SEMA5A: variants seen among roughly 807,000 people sequenced by gnomAD.
SEMA5A encodes the protein semaphorin 5A, also known as semaphorin-5A.
Under a neutral mutation model 135.5 loss-of-function variants are expected in SEMA5A, and 55 were observed. The ratio of observed to expected loss-of-function variants is 0.41; its 90% CI spans 0.33 to 0.51. The LOEUF is 0.51. Ranked by LOEUF, SEMA5A falls within the 20% of genes least tolerant of loss-of-function variation. SEMA5A has a pLI of 0.37. For missense variants in SEMA5A, 1,290 were observed against 1,419.9 expected (o/e 0.91, Z 1.47); for synonymous variants, 580 against 546.5 (o/e 1.06, Z -0.85).
chr5:9,399,932 C>T (rs1756577410), intron 2 of SEMA5A, among the ~76,000 whole-genome samples: 1 of 151,974 alleles, frequency 6.6e-6, no homozygotes, highest in Non-Finnish European at 1.5e-5. Context: ...TACTGGTATA[C>T]ATACAAAGTA....
intron 1 of SEMA5A, among the ~76,000 whole-genome samples, chr5:9,439,724 C>T (rs927480748): frequency 6.6e-6 from 1 of 152,180 alleles, no homozygotes; most frequent in Non-Finnish European, 1.5e-5. Flanking sequence ...AGAAGACATC[C>T]CTGCCGAATC....
chr5:9,533,885 A>G (rs956514285), intron 1 of SEMA5A, among the ~76,000 whole-genome samples: 9 of 152,234 alleles, frequency 5.9e-5, no homozygotes, highest in African/African-American at 1.9e-4. Context: ...TTTTTAAAAC[A>G]TCTGACATAA....
intron 1 of SEMA5A, chr5:9,518,053 G>A (rs889098803): frequency 1.3e-5 from 2 of 152,090 alleles, no homozygotes; most frequent in Non-Finnish European, 2.9e-5. Context: ...AATTCACAAA[G>A]AGCAGAACAA....
intron 8 of SEMA5A, among the ~76,000 whole-genome samples, chr5:9,210,498 T>A (rs397835237): frequency 6.6e-6 from 1 of 152,172 alleles, no homozygotes; most frequent in Non-Finnish European, 1.5e-5. Flanking sequence ...GCTCTCAACC[T>A]TTTCCAGAGT....
At chr5:9,166,877 G>C (rs1743638674) in intron 11 of SEMA5A, among the ~76,000 whole-genome samples, 1 of 152,186 alleles carries the variant, frequency 6.6e-6, no homozygotes, top group Non-Finnish European at 1.5e-5. Flanking sequence ...GAAATTACTT[G>C]CCTTAGATTT....
intron 5 of SEMA5A, among the ~76,000 whole-genome samples, chr5:9,273,522 C>A (rs1214810355): frequency 6.6e-6 from 1 of 151,908 alleles, no homozygotes; most frequent in Non-Finnish European, 1.5e-5. Flanking sequence ...AGAGCAACCC[C>A]AAGACACATA....
intron 8 of SEMA5A, among the ~76,000 whole-genome samples, chr5:9,223,973 T>C (rs1335560318): frequency 1.3e-5 from 2 of 152,016 alleles, no homozygotes; most frequent in Non-Finnish European, 2.9e-5. Flanking sequence ...AATAAATGCA[T>C]GGATGAAAAG....
chr5:9,507,212 T>G (rs1257107123), intron 1 of SEMA5A, among the ~76,000 whole-genome samples: 1 of 152,196 alleles, frequency 6.6e-6, no homozygotes, highest in Non-Finnish European at 1.5e-5. Flanking sequence ...ACCATTGCCC[T>G]AAAATAGTGG....
intron 1 of SEMA5A, among the ~76,000 whole-genome samples, chr5:9,529,421 A>G (rs529435577): frequency 6.6e-6 from 1 of 152,338 alleles, no homozygotes; most frequent in South Asian, 2.1e-4. Flanking sequence ...CTGCCTGGAC[A>G]CCCACCAGCT....
At chr5:9,310,100 T>C (rs1297465016) in intron 5 of SEMA5A, among the ~76,000 whole-genome samples, 1 of 152,148 alleles carries the variant, frequency 6.6e-6, no homozygotes, top group Non-Finnish European at 1.5e-5. Context: ...CATTGAGAAC[T>C]TGCCGAGTAC....
chr5:9,302,508 G>A (rs1028895668), intron 5 of SEMA5A, among the ~76,000 whole-genome samples: 1 of 152,142 alleles, frequency 6.6e-6, no homozygotes, highest in African/African-American at 2.4e-5. Context: ...AACAGATAGT[G>A]GTAGAAACAG....
chr5:9,451,822 G>A (rs868032183), intron 1 of SEMA5A, among the ~76,000 whole-genome samples: 3 of 152,106 alleles, frequency 2.0e-5, no homozygotes, highest in East Asian at 1.9e-4. Context: ...CACCTTCCCC[G>A]TCTTCTTTCC....
intron 1 of SEMA5A, among the ~76,000 whole-genome samples, chr5:9,521,005 C>T (rs1736796230): frequency 6.6e-6 from 1 of 152,192 alleles, no homozygotes; most frequent in Non-Finnish European, 1.5e-5. Context: ...TTAGCTGTGG[C>T]CAATGTACAC....
At chr5:9,389,827 T>C (rs990786308) in intron 2 of SEMA5A, among the ~76,000 whole-genome samples, 1 of 152,232 alleles carries the variant, frequency 6.6e-6, no homozygotes, top group African/African-American at 2.4e-5. Context: ...CTGGCCCCAC[T>C]GTACGTTGAT....
At chr5:9,309,289 G>A (rs1490020295) in intron 5 of SEMA5A, among the ~76,000 whole-genome samples, 1 of 152,128 alleles carries the variant, frequency 6.6e-6, no homozygotes, top group Admixed American at 6.6e-5. Context: ...AGAATGGTAT[G>A]GCGGGGTGGG....
At chr5:9,409,148 C>A (rs560504949) in intron 2 of SEMA5A, among the ~76,000 whole-genome samples, 1 of 152,150 alleles carries the variant, frequency 6.6e-6, no homozygotes, top group Non-Finnish European at 1.5e-5. Context: ...TCCCTTGGCC[C>A]CCTGGCTAAT....
chr5:9,060,781 T>G (rs1737140418), intron 18 of SEMA5A, among the ~76,000 whole-genome samples: 1 of 152,170 alleles, frequency 6.6e-6, no homozygotes, highest in African/African-American at 2.4e-5. Flanking sequence ...TATACATGTT[T>G]ATTCATCTAT....
intron 1 of SEMA5A, among the ~76,000 whole-genome samples, chr5:9,542,427 A>G (rs1205724017): frequency 6.6e-6 from 1 of 152,272 alleles, no homozygotes; most frequent in Non-Finnish European, 1.5e-5. Context: ...CGCTCATTTT[A>G]TGATTCAAGA....
chr5:9,353,312 G>GGAA (rs1561177703), intron 3 of SEMA5A, among the ~76,000 whole-genome samples: 2 of 63,538 alleles, frequency 3.1e-5, no homozygotes, highest in African/African-American at 1.0e-4. Flanking sequence ...GGGAAGGGAA[G>GGAA]GGAAAGGAAG....
Sources: allele counts gnomAD v4.1 joint callset (sites outside exome capture counted in the v4.1 genomes callset), GRCh38; gene constraint gnomAD v4.1.1; transcripts MANE v1.5; gene names NCBI Gene and HGNC (gene_info 2026-07-23, HGNC 2026-07-21).